Variants in FAM185A observed in about 807,000 individuals in gnomAD.
FAM185A encodes family with sequence similarity 185 member A, also known as protein FAM185A.
A neutral mutation model predicts 45.7 loss-of-function variants in FAM185A; 21 were observed. That is an observed-to-expected ratio of 0.46 (90% confidence interval 0.33 to 0.66). The LOEUF (loss-of-function observed/expected upper bound fraction) is 0.66. Among genes scored for constraint, FAM185A ranks in the 30% least tolerant of loss-of-function variants. FAM185A has a pLI of 0.03. For synonymous variants in FAM185A, 117 were observed against 194.0 expected, an observed-to-expected ratio of 0.60 and a Z score of 3.30; for missense variants, 305 against 485.4, an observed-to-expected ratio of 0.63 and a Z score of 3.49.
chr7:102,846,722 AAAT>A, the FAM185A span, among the ~76,000 whole-genome samples: 1 of 82,358 alleles, frequency 1.2e-5, no homozygotes, highest in East Asian at 3.6e-4. Context: ...TGCTAATTGC[AAAT>A]AATACCCCAG....
the FAM185A span, among the ~76,000 whole-genome samples, chr7:102,831,495 T>G: frequency 6.6e-6 from 1 of 151,840 alleles, no homozygotes; most frequent in Admixed American, 6.6e-5. Context: ...AACCAGAATT[T>G]AGGAAATAAA....
chr7:102,764,018 C>G (rs1794246421), intron 4 of FAM185A, among the ~76,000 whole-genome samples: 1 of 152,198 alleles, frequency 6.6e-6, no homozygotes, highest in Non-Finnish European at 1.5e-5. Flanking sequence ...CACCCTGCCT[C>G]AATGCAAAGA....
At chr7:102,835,248 G>A in the FAM185A span, among the ~76,000 whole-genome samples, 1 of 152,110 alleles carries the variant, frequency 6.6e-6, no homozygotes, top group Non-Finnish European at 1.5e-5. Flanking sequence ...TGGCAACTAC[G>A]TGATGGCAAA....
chr7:102,768,539 A>T, intron 4 of FAM185A, among the ~76,000 whole-genome samples: 1 of 132,652 alleles, frequency 7.5e-6, no homozygotes, highest in African/African-American at 2.8e-5. Flanking sequence ...CTCCCTTTCC[A>T]CCTCCCCACC....
chr7:102,840,730 G>GA, the FAM185A span, among the ~76,000 whole-genome samples: 2 of 152,074 alleles, frequency 1.3e-5, no homozygotes, highest in Admixed American at 6.6e-5. Context: ...CAGTCTAGTG[G>GA]AAAAAAAGAG....
rs1797286655 is a variant in FAM185A, at chr7:102,809,044, C to T, written c.*642C>T. On this transcript the variant is annotated 3_prime_UTR_variant, in exon 8 of 8. Transcript: ENST00000413034. ...TGTAACATTCATAGGAGTGATGGCC[C>T]ATCACATTCAGTTTTCACTCCCACT... The T allele has an allele frequency of 6.6e-6, 1 of 152,222 alleles. No homozygotes were observed. Among genetic ancestry groups the T allele is most frequent in the Non-Finnish European group, 1.5e-5 (1 of 68,080 alleles). The allele number at this position is 152,222 out of a possible 1,614,324, so 9.4% of individuals were successfully genotyped here.
At chr7:102,836,323 G>A in the FAM185A span, among the ~76,000 whole-genome samples, 1 of 152,176 alleles carries the variant, frequency 6.6e-6, no homozygotes, top group African/African-American at 2.4e-5. Flanking sequence ...GCGAACTAAA[G>A]TCAGAACTTT....
At chr7:102,790,377 T>C (rs1199325675) in intron 7 of FAM185A, among the ~76,000 whole-genome samples, 6 of 152,194 alleles carry the variant, frequency 3.9e-5, no homozygotes, top group South Asian at 4.1e-4. Flanking sequence ...TAGTTCATCG[T>C]TGACTGAAAC....
At chr7:102,817,552 A>G in the FAM185A span, among the ~76,000 whole-genome samples, 5 of 151,922 alleles carry the variant, frequency 3.3e-5, no homozygotes, top group Non-Finnish European at 7.4e-5. Context: ...CATTATCTTT[A>G]CTCTGTTGAT....
chr7:102,837,707 C>A, the FAM185A span, among the ~76,000 whole-genome samples: 1 of 152,072 alleles, frequency 6.6e-6, no homozygotes, highest in South Asian at 2.1e-4. Context: ...CCATGCCTGG[C>A]TCATTTTTTA....
At chr7:102,758,932 A>G (rs1156632623) in intron 3 of FAM185A, among the ~76,000 whole-genome samples, 1 of 152,072 alleles carries the variant, frequency 6.6e-6, no homozygotes, top group African/African-American at 2.4e-5. Context: ...ATAATTAAAC[A>G]AGGTAGGTTA....
intron 2 of FAM185A, among the ~76,000 whole-genome samples, chr7:102,754,325 C>G (rs2539363): frequency 0.13 from 19,724 of 151,576 alleles, 630 homozygotes; most frequent in Admixed American, 0.23. Context: ...CTCAGCCTCC[C>G]GAGTAGCTGG....
chr7:102,812,654 T>TA (rs1797493962), downstream of FAM185A, among the ~76,000 whole-genome samples: 1 of 152,170 alleles, frequency 6.6e-6, no homozygotes, highest in Admixed American at 6.5e-5. Context: ...CTCAAACTCT[T>TA]AGTTTGACAT....
At chr7:102,819,152 T>C in the FAM185A span, among the ~76,000 whole-genome samples, 1 of 152,164 alleles carries the variant, frequency 6.6e-6, no homozygotes, top group Admixed American at 6.5e-5. Context: ...TGGGGGCCAT[T>C]GTGAGGGTCT....
chr7:102,785,627 A>G (rs1795740253), intron 6 of FAM185A, among the ~76,000 whole-genome samples: 1 of 151,416 alleles, frequency 6.6e-6, no homozygotes, highest in African/African-American at 2.4e-5. Flanking sequence ...GGCTAGCCAT[A>G]TGTAGAAAGC....
At chr7:102,831,394 GAC>G in the FAM185A span, among the ~76,000 whole-genome samples, 12,688 of 141,242 alleles carry the variant, frequency 0.09, 609 homozygotes, top group South Asian at 0.15. Flanking sequence ...CAGTGCCCGG[GAC>G]ACACACACAC....
intron 7 of FAM185A, among the ~76,000 whole-genome samples, chr7:102,789,780 T>G (rs1160300928): frequency 6.6e-6 from 1 of 152,266 alleles, no homozygotes; most frequent in Non-Finnish European, 1.5e-5. Flanking sequence ...ACAAACACAC[T>G]TTACAGCTGT....
At chr7:102,821,802 C>G in the FAM185A span, among the ~76,000 whole-genome samples, 9 of 152,070 alleles carry the variant, frequency 5.9e-5, no homozygotes, top group Non-Finnish European at 2.9e-5. Flanking sequence ...GCTTTGGACA[C>G]CTGCTTAGTC....
At chr7:102,825,573 AAGAC>A in the FAM185A span, among the ~76,000 whole-genome samples, 1 of 152,226 alleles carries the variant, frequency 6.6e-6, no homozygotes, top group Non-Finnish European at 1.5e-5. Flanking sequence ...AAAACGGACT[AAGAC>A]AGGGTATGAC....
Sources: allele counts gnomAD v4.1 joint callset (sites outside exome capture counted in the v4.1 genomes callset), GRCh38; gene constraint gnomAD v4.1.1; transcripts MANE v1.5; gene names NCBI Gene and HGNC (gene_info 2026-07-23, HGNC 2026-07-21).